The following PPP2R2B variants were observed in gnomAD, a reference collection of about 807,000 sequenced individuals.
The protein encoded by PPP2R2B is serine/threonine-protein phosphatase 2A 55 kDa regulatory subunit B beta isoform.
In PPP2R2B, 5 loss-of-function variants were observed where a neutral mutation model predicts 46.0. That is an observed-to-expected ratio of 0.11 (90% confidence interval 0.06 to 0.23). The LOEUF (loss-of-function observed/expected upper bound fraction) is 0.23. Ranked by LOEUF, PPP2R2B falls within the 10% of genes least tolerant of loss-of-function variation. PPP2R2B has a pLI of 1.00. For synonymous variants in PPP2R2B, 215 were observed against 206.7 expected (o/e 1.04, Z -0.34); for missense variants, 367 against 575.0 (o/e 0.64, Z 3.70).
In PPP2R2B at chr5:146,589,867, A is replaced by G. The variant is rs1425651382; in HGVS notation, c.*80T>C. On this transcript the variant is annotated 3_prime_UTR_variant, in exon 10 of 10. Coordinates refer to ENST00000394411, the MANE Select transcript of PPP2R2B (RefSeq NM_181675.4). ...TAGGGAAATTAAAGTCAATGCATCA[A>G]ATGAAGACCCAAAGAAACATTTAAA... is the stretch of plus-strand genomic sequence containing the variant. The G allele has an allele frequency of 7.2e-7, 1 of 1,389,996 alleles. No individual in the cohort carries two copies. The highest frequency in any genetic ancestry group is 1.9e-5 in the Admixed American group (1 of 53,950). 86.1% of individuals were successfully genotyped at this position (1,389,996 alleles called of 1,614,324 possible). A position where few individuals can be genotyped will look rare whatever the true frequency, so the allele number is the denominator to read the frequency against.
At chr5:146,677,337 TG>T (rs1279391801) in intron 5 of PPP2R2B, among the ~76,000 whole-genome samples, 1 of 151,988 alleles carries the variant, frequency 6.6e-6, no homozygotes, top group Non-Finnish European at 1.5e-5. Flanking sequence ...GAGAAGAAAA[TG>T]TTGAGAAAGA....
intron 2 of PPP2R2B, chr5:146,706,751 A>G (rs1779884429): frequency 2.5e-6 from 2 of 803,342 alleles, no homozygotes; most frequent in Non-Finnish European, 4.5e-6. Context: ...CAGCGTCTGC[A>G]GCTCCTCATA....
At chr5:146,993,803 C>A (rs1233959836) in intron 1 of PPP2R2B, among the ~76,000 whole-genome samples, 16 of 118,546 alleles carry the variant, frequency 1.3e-4, no homozygotes, top group Non-Finnish European at 8.2e-5. Flanking sequence ...AAATATCCAG[C>A]ACAGTTTTTT....
chr5:146,703,973 T>C (rs1466815695), intron 2 of PPP2R2B, among the ~76,000 whole-genome samples: 1 of 152,238 alleles, frequency 6.6e-6, no homozygotes, highest in Non-Finnish European at 1.5e-5. Context: ...AGCTGCTCTG[T>C]ACATGAACCT....
At chr5:146,657,594 T>C (rs565816917) in intron 5 of PPP2R2B, among the ~76,000 whole-genome samples, 6 of 152,278 alleles carry the variant, frequency 3.9e-5, no homozygotes, top group Non-Finnish European at 8.8e-5. Context: ...AGGTTCTCCT[T>C]ACTTTTGCAA....
chr5:147,048,087 C>T (rs1336551523), intron 1 of PPP2R2B, among the ~76,000 whole-genome samples: 3 of 152,142 alleles, frequency 2.0e-5, no homozygotes, highest in East Asian at 1.9e-4. Flanking sequence ...GTGTATTTGC[C>T]AAGGTGATTC....
At chr5:146,860,158 T>C (rs1000790096) in intron 2 of PPP2R2B, among the ~76,000 whole-genome samples, 1 of 152,232 alleles carries the variant, frequency 6.6e-6, no homozygotes. Context: ...TTTCCTTTTA[T>C]AGCTCTCATC....
At chr5:146,765,913 G>A (rs1337635951) in intron 2 of PPP2R2B, among the ~76,000 whole-genome samples, 1 of 152,134 alleles carries the variant, frequency 6.6e-6, no homozygotes, top group Non-Finnish European at 1.5e-5. Flanking sequence ...TTTCAAGCCC[G>A]GAAAATAGTC....
intron 4 of PPP2R2B, among the ~76,000 whole-genome samples, chr5:146,692,677 G>A (rs1778930441): frequency 6.6e-6 from 1 of 151,826 alleles, no homozygotes; most frequent in Non-Finnish European, 1.5e-5. Flanking sequence ...GGGACTACAG[G>A]CACCCACCAC....
intron 1 of PPP2R2B, among the ~76,000 whole-genome samples, chr5:146,907,397 A>C (rs1408725454): frequency 1.3e-5 from 2 of 152,204 alleles, no homozygotes; most frequent in East Asian, 3.9e-4. Flanking sequence ...ATGTGTTCCC[A>C]TATGAGCGTT....
intron 1 of PPP2R2B, among the ~76,000 whole-genome samples, chr5:146,894,448 T>C (rs1762583522): frequency 6.6e-6 from 1 of 152,112 alleles, no homozygotes; most frequent in Admixed American, 6.5e-5. Flanking sequence ...TTATTTTTAT[T>C]TTTATTTTTG....
At chr5:147,025,048 G>GA (rs1755463170) in intron 1 of PPP2R2B, among the ~76,000 whole-genome samples, 1 of 151,424 alleles carries the variant, frequency 6.6e-6, no homozygotes, top group South Asian at 2.1e-4. Flanking sequence ...ACTAATGAAG[G>GA]AAAAAGAGAA....
At chr5:146,670,885 T>G (rs1165907119) in intron 5 of PPP2R2B, among the ~76,000 whole-genome samples, 2 of 152,124 alleles carry the variant, frequency 1.3e-5, no homozygotes, top group African/African-American at 4.8e-5. Flanking sequence ...GAAAACCAGT[T>G]TTCTATGAAT....
At chr5:146,700,081 A>G (rs1281404356) in intron 3 of PPP2R2B, among the ~76,000 whole-genome samples, 1 of 152,214 alleles carries the variant, frequency 6.6e-6, no homozygotes, top group African/African-American at 2.4e-5. Flanking sequence ...TACTAAATAT[A>G]TCACCTCTAA....
At chr5:146,633,243 C>A (rs963346983) in intron 7 of PPP2R2B, among the ~76,000 whole-genome samples, 1 of 152,164 alleles carries the variant, frequency 6.6e-6, no homozygotes, top group Non-Finnish European at 1.5e-5. Flanking sequence ...TCTGATAACA[C>A]GGTTCTCCTC....
intron 1 of PPP2R2B, among the ~76,000 whole-genome samples, chr5:146,947,267 G>A (rs1193080282): frequency 6.6e-6 from 1 of 152,060 alleles, no homozygotes; most frequent in African/African-American, 2.4e-5. Flanking sequence ...TTCTACTTTG[G>A]GGTCTATCTC....
chr5:146,920,468 T>C (rs976251923), intron 1 of PPP2R2B, among the ~76,000 whole-genome samples: 10 of 152,200 alleles, frequency 6.6e-5, no homozygotes, highest in African/African-American at 2.4e-4. Context: ...AATTGTACCG[T>C]TCTAAGAGTC....
intron 2 of PPP2R2B, among the ~76,000 whole-genome samples, chr5:146,779,439 A>G (rs1443332509): frequency 6.6e-6 from 1 of 152,122 alleles, no homozygotes; most frequent in Non-Finnish European, 1.5e-5. Context: ...GACATCCCAC[A>G]CTGCAGTTCA....
chr5:147,072,497 C>A (rs1246811825), intron 2 of PPP2R2B, among the ~76,000 whole-genome samples: 1 of 152,164 alleles, frequency 6.6e-6, no homozygotes, highest in East Asian at 1.9e-4. Context: ...ATCACAGTAG[C>A]TGAGAATAAC....
Sources: gnomAD v4.1 joint callset for allele counts (sites outside exome capture counted in the v4.1 genomes callset) on GRCh38, gnomAD v4.1.1 for gene constraint, MANE v1.5 for transcripts, NCBI Gene and HGNC (gene_info 2026-07-23, HGNC 2026-07-21) for gene names.